Variants in ERCC2 observed in about 807,000 individuals in gnomAD.
ERCC2 encodes the protein ERCC excision repair 2, TFIIH core complex helicase subunit.
A neutral mutation model predicts 99.4 loss-of-function variants in ERCC2; 90 were observed. The observed-to-expected ratio is 0.91, with a 90% CI of 0.76 to 1.08. The LOEUF (loss-of-function observed/expected upper bound fraction) is 1.08. Among genes scored for constraint, ERCC2 ranks in the 50% least tolerant of loss-of-function variants. The probability of loss-of-function intolerance (pLI) is 0.00; values close to 1 mark genes in which losing one functional copy is unlikely to be tolerated. For synonymous variants in ERCC2, 497 were observed against 432.4 expected, an observed-to-expected ratio of 1.15 and a Z score of -1.85; for missense variants, 993 against 1,038.1, an observed-to-expected ratio of 0.96 and a Z score of 0.60.
rs953839808 is a variant in ERCC2, at chr19:45,355,608, T to G, written c.1543+57A>C. On this transcript the variant is annotated intron_variant, in intron 16 of 22. Transcript: ENST00000391945. ...TTACAGCAGCATGACTCAGCCCACC[T>G]GACTGATACACCTCCCCTCTTGGAA... The G allele has an allele frequency of 1.3e-5, 19 of 1,445,944 alleles. No homozygotes were observed. The African/African-American group carries it at 2.5e-4, about 19-fold the overall frequency. 89.6% of individuals were successfully genotyped at this position (1,445,944 alleles called of 1,614,324 possible).
chr19:45,354,655 G>A, intron 17 of ERCC2, 75 bp downstream of exon 17: 1 of 1,585,146 alleles, frequency 6.3e-7, no homozygotes, highest in Non-Finnish European at 8.6e-7. Context: ...GAGTGTGAGA[G>A]GAATGAAGCT....
At chr19:45,357,425 C>T in intron 14 of ERCC2, 49 bp downstream of exon 14, 3 of 1,608,468 alleles carry the variant, frequency 1.9e-6, no homozygotes, top group Non-Finnish European at 2.6e-6. Flanking sequence ...GACCAGGAGG[C>T]CCATGGAGGG....
chr19:45,367,350 CAA>C (rs1972456347), intron 5 of ERCC2, among the ~76,000 whole-genome samples: 4 of 108,678 alleles, frequency 3.7e-5, no homozygotes, highest in Non-Finnish European at 6.9e-5. Context: ...CAAAACAAAA[CAA>C]AAATATATAT....
intron 5 of ERCC2, among the ~76,000 whole-genome samples, chr19:45,365,774 G>C (rs1285057558): frequency 3.6e-5 from 5 of 137,612 alleles, no homozygotes; most frequent in East Asian, 4.1e-4. Flanking sequence ...CTGGGCCACG[G>C]AGCCAGACTC....
chr19:45,350,359 C>T lies in ERCC2; in HGVS notation c.*1270G>A. 2.5e-6 allele frequency: 4 copies of T among 1,613,444 alleles called. No individual in the cohort carries two copies. The highest frequency in any genetic ancestry group is 3.4e-6 in the Non-Finnish European group (4 of 1,179,894). ...TCCGCAGGCCTCAGCCTACCTGAAA[C>T]AGAACAAGTATCAACAAGCGGAAGA... is the stretch of plus-strand genomic sequence containing the variant. On this transcript the variant is annotated 3_prime_UTR_variant, in exon 23 of 23. Transcript: ENST00000391945.
intron 16 of ERCC2, 77 bp downstream of exon 16, chr19:45,355,588 G>T: frequency 7.9e-7 from 1 of 1,262,902 alleles, no homozygotes; most frequent in Non-Finnish European, 1.2e-6. Context: ...ATTTGTTACA[G>T]CAGCATGACT....
intron 22 of ERCC2, 151 bp downstream of exon 22, chr19:45,352,058 A>AGAGCCTGGCACGTAGATGCAC (rs1971816501): frequency 2.1e-6 from 2 of 953,756 alleles, no homozygotes; most frequent in Non-Finnish European, 1.6e-6. Flanking sequence ...CCTTCCCCCC[A>AGAGCCTGGCACGTAGATGCAC]GAGCCTGGCA....
chr19:45,367,050 T>A (rs1232643929), intron 5 of ERCC2, among the ~76,000 whole-genome samples: 1 of 151,164 alleles, frequency 6.6e-6, no homozygotes, highest in Non-Finnish European at 1.5e-5. Flanking sequence ...ATAATAATAA[T>A]AAATAAGGCT....
In ERCC2 at chr19:45,350,516, GC is replaced by G. The variant is rs767548719; in HGVS notation, c.*1112del. 1 of 1,613,356 alleles carries G rather than the reference GC, an allele frequency of 6.2e-7. No individual in the cohort carries two copies. The highest frequency in any genetic ancestry group is 1.1e-5 in the South Asian group (1 of 91,030). On this transcript the variant is annotated 3_prime_UTR_variant, in exon 23 of 23. Coordinates refer to ENST00000391945, the MANE Select transcript of ERCC2 (RefSeq NM_000400.4). ...GTGTCCCCCATCTTTCCCCCTAGGT[GC>G]CCCCAACACAGGCACAGCTGGTGAC... is the stretch of plus-strand genomic sequence containing the variant.
At position 45,352,950 on chromosome 19, in the gene ERCC2, A is replaced by AG. The variant is rs1971869237; in HGVS notation, c.1831+132dup. ...GTTCCCGCCGGGTGCCTAGGGACAG[A>AG]GGGGAGGGGAGGGCCCCTCTGTGCA... On this transcript the variant is annotated intron_variant, in intron 19 of 22. Transcript: ENST00000391945. 4 of 1,181,384 alleles carry AG rather than the reference A, an allele frequency of 3.4e-6. No individual in the cohort carries two copies. The Admixed American group carries it at 6.9e-5, about 20-fold the overall frequency. The allele number at this position is 1,181,384 out of a possible 1,614,324, so 73.2% of individuals were successfully genotyped here. A position where few individuals can be genotyped will look rare whatever the true frequency, so the allele number is the denominator to read the frequency against.
At chr19:45,364,988 C>A (rs1181236223) in intron 6 of ERCC2, 34 bp from the exon 7 acceptor site, 9 of 1,609,304 alleles carry the variant, frequency 5.6e-6, no homozygotes, top group Non-Finnish European at 7.7e-6. Flanking sequence ...AGGGAGGCTG[C>A]CTGCCCCAGG....
Position 45,364,088 on chromosome 19 carries a change from C to T in ERCC2, c.847G>A (p.Asp283Asn). Residue 283 changes from aspartate to asparagine, a missense_variant, in exon 10 of 23, where the codon GAC (aspartate) becomes AAC (asparagine). Asp to Asn is a conservative substitution (Grantham distance 23, BLOSUM62 1). Coordinates refer to ENST00000391945, the MANE Select transcript of ERCC2 (RefSeq NM_000400.4). ...CCCTCCACCAGACGCCGGTACTCGT[C>T]CCGCAGGCGCTGCTCGTCTGTCTCT... ...IKETDEQRLR[D>N]EYRRLVEGLR... 6.2e-7 allele frequency: 1 copy of T among 1,603,142 alleles called. No individual in the cohort carries two copies.
At chr19:45,353,926 A>C (rs1788215172) in intron 17 of ERCC2, among the ~76,000 whole-genome samples, 1 of 152,222 alleles carries the variant, frequency 6.6e-6, no homozygotes, top group Admixed American at 6.5e-5. Context: ...GCCTCTCTCT[A>C]TGACCTTGGG....
intron 12 of ERCC2, among the ~76,000 whole-genome samples, chr19:45,359,332 G>A (rs985704693): frequency 1.3e-5 from 2 of 152,198 alleles, no homozygotes; most frequent in African/African-American, 4.8e-5. Context: ...GCAGGACAGA[G>A]AGACAGAGGC....
Position 45,350,624 on chromosome 19 carries a change from C to T in ERCC2, c.*1005G>A, listed in dbSNP as rs1971696264. 2 of 1,612,946 alleles carry T rather than the reference C, an allele frequency of 1.2e-6. No homozygotes were observed. Among genetic ancestry groups the T allele is most frequent in the Admixed American group, 3.3e-5 (2 of 59,956 alleles). On this transcript the variant is annotated 3_prime_UTR_variant, in exon 23 of 23. Transcript: ENST00000391945. ...ATGGGCCTGGGGGACTGAGCAGCAT[C>T]CCCGGCCCCTCCCCAGGCCCTTCGC...
chr19:45,363,629 G>A (rs571353724), intron 11 of ERCC2, 114 bp downstream of exon 11: 1 of 1,240,662 alleles, frequency 8.1e-7, no homozygotes, highest in Admixed American at 2.4e-5. Flanking sequence ...GCCTCGCCCA[G>A]CTCACTCACT....
Position 45,354,607 on chromosome 19 carries a change from A to G in ERCC2, c.1665+123T>C, listed in dbSNP as rs1309010146. The G allele has an allele frequency of 3.9e-6, 5 of 1,266,792 alleles. 1 individual carries two copies. The highest frequency in any genetic ancestry group is 5.7e-6 in the Non-Finnish European group (5 of 880,284). The allele number at this position is 1,266,792 out of a possible 1,614,324, so 78.5% of individuals were successfully genotyped here. The stretch of plus-strand genomic sequence containing the variant: ...CTTACACCCCATTCCTACATGCTGC[A>G]CACACTCTCCTGTCACACAGGAAAC... On this transcript the variant is annotated intron_variant, in intron 17 of 22. Coordinates refer to ENST00000391945, the MANE Select transcript of ERCC2 (RefSeq NM_000400.4).
At position 45,350,730 on chromosome 19, in the gene ERCC2, G is replaced by T; in HGVS notation, c.*899C>A. 7 of 1,612,412 alleles carry T rather than the reference G, an allele frequency of 4.3e-6. No individual in the cohort carries two copies. The highest frequency in any genetic ancestry group is 5.9e-6 in the Non-Finnish European group (7 of 1,179,508). On this transcript the variant is annotated 3_prime_UTR_variant, in exon 23 of 23. Coordinates refer to ENST00000391945, the MANE Select transcript of ERCC2 (RefSeq NM_000400.4). ...TGGTCTCCCGGCTCCGAGGCGAGGC[G>T]GCGGCAGGAGCAGCCGGGTGAGTGT...
At chr19:45,353,185 G>C (rs1378709435) in intron 18 of ERCC2, 30 bp from the exon 19 acceptor site, 1 of 1,613,488 alleles carries the variant, frequency 6.2e-7, no homozygotes, top group Non-Finnish European at 8.5e-7. Context: ...ACGCAAGTTA[G>C]GTCACTCCTC....
Sources: gnomAD v4.1 joint callset for allele counts (sites outside exome capture counted in the v4.1 genomes callset) on GRCh38, gnomAD v4.1.1 for gene constraint, MANE v1.5 for transcripts, NCBI Gene and HGNC (gene_info 2026-07-23, HGNC 2026-07-21) for gene names.